Variants in DTNA observed in about 807,000 individuals in gnomAD.
DTNA encodes dystrophin-related protein 3.
Under a neutral mutation model 100.7 loss-of-function variants are expected in DTNA, and 43 were observed. That is an observed-to-expected ratio of 0.43 (90% CI 0.33 to 0.55). The LOEUF is 0.55. DTNA is among the 20% of genes least tolerant of loss of function. The probability of loss-of-function intolerance (pLI) is 0.04; values close to 1 mark genes in which losing one functional copy is unlikely to be tolerated. For synonymous variants in DTNA, 349 were observed against 347.9 expected (o/e 1.00, Z -0.04); for missense variants, 798 against 953.9 (o/e 0.84, Z 2.15).
intron 1 of DTNA, among the ~76,000 whole-genome samples, chr18:34,550,456 A>G (rs899474324): frequency 6.6e-6 from 1 of 152,152 alleles, no homozygotes; most frequent in Admixed American, 6.5e-5. Flanking sequence ...AAATATCCAG[A>G]TTTTAACTTA....
At chr18:34,510,069 T>TTGTGTG (rs35805954) in intron 1 of DTNA, among the ~76,000 whole-genome samples, 17,734 of 144,578 alleles carry the variant, frequency 0.12, 1,169 homozygotes, top group Non-Finnish European at 0.15. Flanking sequence ...GAGTGTAATT[T>TTGTGTG]TGTGTGTGTG....
In DTNA at chr18:34,645,321, G is replaced by A. The variant is rs1599524618; in HGVS notation, c.-1-110655G>A. 1.3e-5 allele frequency among the ~76,000 whole-genome samples: 2 copies of A among 152,156 alleles called. 1 individual carries two copies. Reference sequence around the variant, plus strand: ...AAACCTGCATATACCCACTAGGGCAGTGTTACTTATTATTAATAAGATTTT... The same window carrying A: ...AAACCTGCATATACCCACTAGGGCAATGTTACTTATTATTAATAAGATTTT... On this transcript the variant is annotated intron_variant, in intron 1 of 19. Transcript: ENST00000283365.
intron 1 of DTNA, among the ~76,000 whole-genome samples, chr18:34,495,823 C>T (rs2039132947): frequency 6.6e-6 from 1 of 151,734 alleles, no homozygotes; most frequent in South Asian, 2.1e-4. Context: ...GAAGAAAGGT[C>T]TCAATGGGGT....
chr18:34,556,309 C>T (rs2046040238), intron 1 of DTNA, among the ~76,000 whole-genome samples: 1 of 152,146 alleles, frequency 6.6e-6, no homozygotes, highest in South Asian at 2.1e-4. Flanking sequence ...ACTGATGGGT[C>T]TTGACTCTTT....
intron 1 of DTNA, among the ~76,000 whole-genome samples, chr18:34,738,820 G>C (rs950565970): frequency 6.6e-6 from 1 of 152,218 alleles, no homozygotes; most frequent in Non-Finnish European, 1.5e-5. Flanking sequence ...GATTAGTGCA[G>C]AATGCATGCC....
At chr18:34,533,276 G>A (rs575917134) in intron 1 of DTNA, among the ~76,000 whole-genome samples, 1 of 151,688 alleles carries the variant, frequency 6.6e-6, no homozygotes, top group Admixed American at 6.6e-5. Context: ...GGAGGCTGAG[G>A]CAGGAGAAAC....
At chr18:34,841,646 A>G (rs889075622) in intron 13 of DTNA, among the ~76,000 whole-genome samples, 1 of 152,102 alleles carries the variant, frequency 6.6e-6, no homozygotes, top group African/African-American at 2.4e-5. Flanking sequence ...GATTATTTCC[A>G]TTTCACTGTT....
At chr18:34,687,062 A>C (rs2079006094) in intron 1 of DTNA, among the ~76,000 whole-genome samples, 1 of 151,790 alleles carries the variant, frequency 6.6e-6, no homozygotes. Flanking sequence ...GTAGCCATCT[A>C]TCTATTTTGT....
intron 1 of DTNA, among the ~76,000 whole-genome samples, chr18:34,749,639 C>CAAAA (rs1232445254): frequency 1.3e-5 from 1 of 75,116 alleles, no homozygotes; most frequent in African/African-American, 5.1e-5. Flanking sequence ...CACCTCTCTC[C>CAAAA]AAAAAATAAT....
At chr18:34,514,343 C>T (rs1301684807) in intron 1 of DTNA, among the ~76,000 whole-genome samples, 1 of 151,994 alleles carries the variant, frequency 6.6e-6, no homozygotes, top group Non-Finnish European at 1.5e-5. Context: ...GCTTCACTGC[C>T]AGAATTTCTG....
intron 1 of DTNA, among the ~76,000 whole-genome samples, chr18:34,735,205 G>T (rs2089291397): frequency 6.6e-6 from 1 of 152,142 alleles, no homozygotes. Flanking sequence ...TAGGCCAGGA[G>T]GCTAGGACAG....
intron 1 of DTNA, among the ~76,000 whole-genome samples, chr18:34,549,376 T>C (rs922156475): frequency 1.3e-5 from 2 of 152,048 alleles, no homozygotes; most frequent in African/African-American, 4.8e-5. Flanking sequence ...GAAAGGAAAA[T>C]ATCAAGTGAT....
chr18:34,551,554 G>A (rs73426130), intron 1 of DTNA, among the ~76,000 whole-genome samples: 5,402 of 152,130 alleles, frequency 0.036, 338 homozygotes, highest in African/African-American at 0.12. Flanking sequence ...GGATGTATAA[G>A]GTGAAAAGAA....
At chr18:34,763,227 C>T (rs895573985) in intron 2 of DTNA, among the ~76,000 whole-genome samples, 2 of 152,174 alleles carry the variant, frequency 1.3e-5, no homozygotes, top group African/African-American at 4.8e-5. Flanking sequence ...AGTACATCCT[C>T]ATCTGGGAGC....
intron 1 of DTNA, among the ~76,000 whole-genome samples, chr18:34,660,622 A>G (rs997846161): frequency 3.9e-5 from 6 of 152,082 alleles, no homozygotes; most frequent in Non-Finnish European, 8.8e-5. Context: ...CTAATAAGAA[A>G]CATTTACAAT....
At chr18:34,666,708 G>T (rs2075981476) in intron 1 of DTNA, among the ~76,000 whole-genome samples, 1 of 151,964 alleles carries the variant, frequency 6.6e-6, no homozygotes, top group Admixed American at 6.6e-5. Flanking sequence ...TTTTTGTCAG[G>T]TTTGTCAAAG....
chr18:34,628,571 TTTTCAAAGAATTGCTTA>T (rs1192739655), intron 1 of DTNA, among the ~76,000 whole-genome samples: 6 of 152,236 alleles, frequency 3.9e-5, no homozygotes, highest in Non-Finnish European at 8.8e-5. Flanking sequence ...GCTTGATGCC[TTTTCAAAGAATTGCTTA>T]TCAGAGAACT....
rs1355008505 is a variant in DTNA, at chr18:34,868,207, C to CG, written c.1743+4145_1743+4146insG. ...GGTGGTTTTATCAGTACAGAAATAC[C>CG]ACTTCTCAGGGGAACAAAATTTCTG... On this transcript the variant is annotated intron_variant, in intron 17 of 22. Coordinates refer to ENST00000444659, the MANE Select transcript of DTNA (RefSeq NM_001386795.1). The CG allele has an allele frequency of 3.9e-5, 12 of 308,044 alleles. No individual in the cohort carries two copies. In the South Asian group the frequency reaches 1.5e-3, roughly 39 times the overall value. The allele number at this position is 308,044 out of a possible 1,614,324, so 19.1% of individuals were successfully genotyped here. A position where few individuals can be genotyped will look rare whatever the true frequency, so the allele number is the denominator to read the frequency against.
intron 9 of DTNA, chr18:34,822,450 G>A (rs888413298): frequency 6.6e-6 from 1 of 152,220 alleles, no homozygotes; most frequent in Non-Finnish European, 1.5e-5. Flanking sequence ...AGAGCTGCTG[G>A]GTGTCATGAA....
Sources: gnomAD v4.1 joint callset for allele counts (sites outside exome capture counted in the v4.1 genomes callset) on GRCh38, gnomAD v4.1.1 for gene constraint, MANE v1.5 for transcripts, NCBI Gene and HGNC (gene_info 2026-07-23, HGNC 2026-07-21) for gene names.